The following STK33 variants were observed in gnomAD, a reference collection of about 807,000 sequenced individuals.
STK33 encodes the protein serine/threonine-protein kinase 33.
In STK33, 52 loss-of-function variants were observed where a neutral mutation model predicts 58.0. The ratio of observed to expected loss-of-function variants is 0.90; its 90% CI spans 0.72 to 1.13. The LOEUF (loss-of-function observed/expected upper bound fraction) is 1.13. Among genes scored for constraint, STK33 ranks in the 50% most tolerant of loss-of-function variants. STK33 has a pLI of 0.00. For missense variants in STK33, 630 were observed against 604.2 expected (o/e 1.04, Z -0.45); for synonymous variants, 215 against 200.1 (o/e 1.07, Z -0.63).
intron 11 of STK33, among the ~76,000 whole-genome samples, chr11:8,448,907 A>C (rs890758090): frequency 6.7e-6 from 1 of 148,646 alleles, no homozygotes; most frequent in Non-Finnish European, 1.5e-5. Flanking sequence ...TAATATCCAG[A>C]ATCTACAATG....
the STK33 span, among the ~76,000 whole-genome samples, chr11:8,372,809 C>T: frequency 3.3e-5 from 5 of 152,228 alleles, no homozygotes; most frequent in South Asian, 2.1e-4. Flanking sequence ...CTTGCTCTGG[C>T]TTGCAAGGCT....
At position 8,398,895 on chromosome 11, in the gene STK33, T is replaced by C. The variant is rs534146925; in HGVS notation, c.1345-6185A>G. On this transcript the variant is annotated intron_variant, in intron 15 of 15. Transcript: ENST00000687296. ...AGGCCATTACTTAATGGTAAAGGGA[T>C]CAATTCAACAAGAAGAGCTAACTGT... 3.2e-3 allele frequency among the ~76,000 whole-genome samples: 494 copies of C among 152,004 alleles called. 2 individuals are homozygous for C. The highest frequency in any genetic ancestry group is 5.0e-3 in the Non-Finnish European group (343 of 68,004).
At chr11:8,580,787 A>G (rs1470005832) in intron 1 of STK33, 1 of 152,098 alleles carries the variant, frequency 6.6e-6, no homozygotes, top group Non-Finnish European at 1.5e-5. Context: ...TGCAAATTGT[A>G]AAAAAAGAAA....
chr11:8,557,703 A>G (rs867180261), intron 1 of STK33, among the ~76,000 whole-genome samples: 3 of 152,136 alleles, frequency 2.0e-5, no homozygotes, highest in South Asian at 4.1e-4. Context: ...TCAGCATTCA[A>G]TGAAAGATTT....
intron 9 of STK33, among the ~76,000 whole-genome samples, chr11:8,455,727 C>T (rs1946769592): frequency 7.3e-6 from 1 of 137,196 alleles, no homozygotes; most frequent in Non-Finnish European, 1.5e-5. Flanking sequence ...AGGAGAATGG[C>T]GTGAGGCTGG....
chr11:8,537,391 C>T (rs1955119662), intron 1 of STK33, among the ~76,000 whole-genome samples: 1 of 152,004 alleles, frequency 6.6e-6, no homozygotes, highest in Admixed American at 6.6e-5. Context: ...TGCCTGGCCC[C>T]CGCCTTTTTT....
intron 11 of STK33, among the ~76,000 whole-genome samples, chr11:8,447,950 A>C (rs192146048): frequency 6.6e-6 from 1 of 152,206 alleles, no homozygotes; most frequent in Non-Finnish European, 1.5e-5. Context: ...CTCAGGATAC[A>C]AAATCAATGT....
intron 1 of STK33, among the ~76,000 whole-genome samples, chr11:8,574,571 T>C (rs976969939): frequency 6.6e-6 from 1 of 152,078 alleles, no homozygotes; most frequent in Admixed American, 6.5e-5. Flanking sequence ...TAATACCAAT[T>C]CTATACAAAT....
intron 1 of STK33, among the ~76,000 whole-genome samples, chr11:8,551,669 C>T (rs917531417): frequency 6.6e-6 from 1 of 152,120 alleles, no homozygotes; most frequent in Non-Finnish European, 1.5e-5. Context: ...GGCTTGTCAT[C>T]GTTTCCCATT....
intron 14 of STK33, among the ~76,000 whole-genome samples, chr11:8,424,834 T>C (rs1247187444): frequency 1.4e-5 from 2 of 139,470 alleles, no homozygotes; most frequent in Admixed American, 7.1e-5. Context: ...TTTGATGGGG[T>C]TGTTTTTTTC....
the STK33 span, among the ~76,000 whole-genome samples, chr11:8,342,283 A>G: frequency 6.6e-6 from 1 of 152,260 alleles, no homozygotes; most frequent in East Asian, 1.9e-4. Context: ...GAAGAACTTT[A>G]GAACAAAGAA....
At chr11:8,456,081 C>T (rs1946827553) in intron 9 of STK33, among the ~76,000 whole-genome samples, 2 of 152,082 alleles carry the variant, frequency 1.3e-5, no homozygotes, top group African/African-American at 2.4e-5. Flanking sequence ...TCATTGTTGG[C>T]TATTTTTACC....
Position 8,565,466 on chromosome 11 carries a change from C to G in STK33, c.-466+28617G>C, listed in dbSNP as rs574094880. Among the ~76,000 whole-genome samples the G allele has an allele frequency of 9.9e-5, 15 of 151,652 alleles. No individual in the cohort carries two copies. In the South Asian group the frequency reaches 3.1e-3, roughly 31 times the overall value. ...TGCATCCGATAACAGAGTTTCACAG[C>G]CGGAGTCATAAGCCCCGAGTTCAAA... On this transcript the variant is annotated intron_variant, in intron 1 of 15. Transcript: ENST00000687296.
chr11:8,559,641 A>T (rs1012100046), intron 1 of STK33, among the ~76,000 whole-genome samples: 1 of 152,174 alleles, frequency 6.6e-6, no homozygotes, highest in Non-Finnish European at 1.5e-5. Context: ...TTCTATTTTC[A>T]AAAGCAACAT....
At chr11:8,458,072 G>A (rs1947089376) in intron 8 of STK33, among the ~76,000 whole-genome samples, 1 of 152,110 alleles carries the variant, frequency 6.6e-6, no homozygotes, top group Admixed American at 6.5e-5. Flanking sequence ...AGGAGCCACT[G>A]AAGATTTTTA....
At position 8,560,184 on chromosome 11, in the gene STK33, G is replaced by T. The variant is rs1002980448; in HGVS notation, c.-466+33899C>A. ...GCAGTAGCACTGCAGAGATAAATGT[G>T]TGAGCATTTATTATTTTGATAAATG... On this transcript the variant is annotated intron_variant, in intron 1 of 15. Coordinates refer to ENST00000687296, the MANE Select transcript of STK33 (RefSeq NM_001352389.2). Among the ~76,000 whole-genome samples, 5 of 152,148 alleles carry T rather than the reference G, an allele frequency of 3.3e-5. No individual in the cohort carries two copies. The South Asian group carries it at 1.0e-3, about 31-fold the overall frequency.
chr11:8,522,822 C>T (rs901860048), intron 1 of STK33, among the ~76,000 whole-genome samples: 5 of 152,158 alleles, frequency 3.3e-5, no homozygotes, highest in African/African-American at 1.2e-4. Context: ...CCCCTTTCCA[C>T]GGTCTCCCTC....
chr11:8,406,702 C>A (rs1330482943), intron 15 of STK33, among the ~76,000 whole-genome samples: 1 of 152,056 alleles, frequency 6.6e-6, no homozygotes, highest in Non-Finnish European at 1.5e-5. Context: ...ATATATAGAT[C>A]TTGCATCCAG....
At chr11:8,418,439 C>T (rs2121314) in intron 14 of STK33, among the ~76,000 whole-genome samples, 3 of 152,174 alleles carry the variant, frequency 2.0e-5, no homozygotes, top group African/African-American at 7.2e-5. Context: ...TTTATGGCTG[C>T]ATAGAATTCC....
Sources: gnomAD v4.1 joint callset for allele counts (sites outside exome capture counted in the v4.1 genomes callset) on GRCh38, gnomAD v4.1.1 for gene constraint, MANE v1.5 for transcripts, NCBI Gene and HGNC (gene_info 2026-07-23, HGNC 2026-07-21) for gene names.